Variants in BLMH observed in about 807,000 individuals in gnomAD.
The protein encoded by BLMH is BLM hydrolase.
In BLMH, 32 loss-of-function variants were observed where a neutral mutation model predicts 61.6. The observed-to-expected ratio is 0.52, with a 90% CI of 0.39 to 0.70. BLMH has a LOEUF of 0.70. Among genes scored for constraint, BLMH ranks in the 30% least tolerant of loss-of-function variants. The pLI, the probability that BLMH is intolerant of heterozygous loss-of-function variation, is 0.00. For missense variants in BLMH, 460 were observed against 555.5 expected (o/e 0.83, Z 1.73); for synonymous variants, 183 against 193.8 (o/e 0.94, Z 0.46).
At chr17:30,251,132 G>T (rs916985469) in intron 11 of BLMH, among the ~76,000 whole-genome samples, 2 of 152,104 alleles carry the variant, frequency 1.3e-5, no homozygotes, top group Non-Finnish European at 2.9e-5. Context: ...CAACATACCA[G>T]TGTACACTGC....
intron 7 of BLMH, chr17:30,273,761 G>A (rs1388316394): frequency 2.3e-6 from 1 of 437,394 alleles, no homozygotes; most frequent in African/African-American, 2.1e-5. Flanking sequence ...TTGCACTTGA[G>A]AATGATTCTG....
In BLMH at chr17:30,272,553, G is replaced by A. The variant is rs759603052; in HGVS notation, c.1028+8C>T. On this transcript the variant is annotated splice_region_variant and intron_variant, in intron 9 of 11. Transcript: ENST00000261714. The stretch of plus-strand genomic sequence containing the variant: ...AATGACTTTCCATTTTAAATTTCCT[G>A]CACTCACAGATTCATGTCACTGAGG... 1.9e-6 allele frequency: 3 copies of A among 1,613,964 alleles called. No individual in the cohort carries two copies. Among genetic ancestry groups the A allele is most frequent in the Admixed American group, 3.3e-5 (2 of 60,016 alleles).
Position 30,288,168 on chromosome 17 carries a change from A to C in BLMH, c.322-221T>G, listed in dbSNP as rs1908783923. Reference sequence around the variant, plus strand: ...CCCAGTTTGGGGACTTACGATGCTGAAACAAGCACCATAATAAGTATTTTT... The same window carrying C: ...CCCAGTTTGGGGACTTACGATGCTGCAACAAGCACCATAATAAGTATTTTT... On this transcript the variant is annotated intron_variant, in intron 3 of 11. Coordinates refer to ENST00000261714, the MANE Select transcript of BLMH (RefSeq NM_000386.4). 13 of 436,640 alleles carry C rather than the reference A, an allele frequency of 3.0e-5. No homozygotes were observed. The South Asian group carries it at 4.0e-4, about 13-fold the overall frequency. 27.0% of individuals were successfully genotyped at this position (436,640 alleles called of 1,614,324 possible). A position where few individuals can be genotyped will look rare whatever the true frequency, so the allele number is the denominator to read the frequency against.
At position 30,286,871 on chromosome 17, in the gene BLMH, G is replaced by C; in HGVS notation, c.495C>G (p.Phe165Leu). Residue 165 changes from phenylalanine to leucine, a missense_variant, in exon 5 of 12, where the codon TTC (phenylalanine) becomes TTG (leucine). Coordinates refer to ENST00000261714, the MANE Select transcript of BLMH (RefSeq NM_000386.4). ...EKYGVIPKKC[F>L]PESYTTEATR... ...TTGCCTCTGTTGTATAAGATTCAGG[G>C]AAGCATTTCTTAGGGATAACACCAT... 1 of 1,596,096 alleles carries C rather than the reference G, an allele frequency of 6.3e-7. No homozygotes were observed. Among genetic ancestry groups the C allele is most frequent in the South Asian group, 1.1e-5 (1 of 90,632 alleles).
At chr17:30,254,440 C>A (rs553506988) in intron 11 of BLMH, among the ~76,000 whole-genome samples, 29 of 152,142 alleles carry the variant, frequency 1.9e-4, no homozygotes, top group Non-Finnish European at 3.1e-4. Flanking sequence ...GCTTCCTAAT[C>A]ATCAGGGAGA....
rs372175644 is a variant in BLMH at position 30,277,177 on chromosome 17, A to C, written c.646-2980T>G. Reference sequence around the variant, plus strand: ...ATTTACTGTGTGTGTTACGAGCCTGAACATCTAGTCATTAAACCATCTCTC... The same window carrying C: ...ATTTACTGTGTGTGTTACGAGCCTGCACATCTAGTCATTAAACCATCTCTC... On this transcript the variant is annotated intron_variant, in intron 6 of 11. Transcript: ENST00000261714. 7.1e-4 allele frequency among the ~76,000 whole-genome samples: 108 copies of C among 152,356 alleles called. 1 individual carries two copies. The highest frequency in any genetic ancestry group is 2.5e-3 in the African/African-American group (106 of 41,584).
chr17:30,259,963 C>G (rs893667131), intron 11 of BLMH, among the ~76,000 whole-genome samples: 1 of 152,152 alleles, frequency 6.6e-6, no homozygotes, highest in African/African-American at 2.4e-5. Flanking sequence ...GTTAGATGCC[C>G]TCCTCTAGAA....
chr17:30,270,692 G>A (rs1597661974), intron 10 of BLMH, among the ~76,000 whole-genome samples: 2 of 152,230 alleles, frequency 1.3e-5, no homozygotes, highest in East Asian at 1.9e-4. Context: ...TGGAAGTGAG[G>A]AGTTTATTTG....
rs201906714 is a variant in BLMH, at chr17:30,273,099, G to GT, written c.802-201dup. The GT allele has an allele frequency of 1.3e-3, 721 of 563,606 alleles. 5 individuals carry two copies. Among genetic ancestry groups the GT allele is most frequent in the African/African-American group, 0.012 (646 of 53,066 alleles). 34.9% of individuals were successfully genotyped at this position (563,606 alleles called of 1,614,324 possible). ...GAGGTCCTTGCTTATTCTAATTCGC[G>GT]TAAGAGACACAATTAGGAGGTGCAT... On this transcript the variant is annotated intron_variant, in intron 7 of 11. Coordinates refer to ENST00000261714, the MANE Select transcript of BLMH (RefSeq NM_000386.4).
intron 11 of BLMH, 39 bp downstream of exon 11, chr17:30,266,846 C>T: frequency 1.9e-6 from 3 of 1,586,958 alleles, no homozygotes; most frequent in Admixed American, 1.7e-5. Flanking sequence ...GTAGAGCAGG[C>T]CCAGTCACCT....
intron 11 of BLMH, among the ~76,000 whole-genome samples, chr17:30,263,367 A>T (rs760446184): frequency 6.6e-6 from 1 of 152,194 alleles, no homozygotes; most frequent in Non-Finnish European, 1.5e-5. Flanking sequence ...ATTTTTATCA[A>T]CTTTTCAAAA....
Position 30,248,961 on chromosome 17 carries a change from T to C in BLMH, c.*56A>G. 4.4e-6 allele frequency: 7 copies of C among 1,599,866 alleles called. No homozygotes were observed. The highest frequency in any genetic ancestry group is 6.0e-6 in the Non-Finnish European group (7 of 1,172,444). On this transcript the variant is annotated 3_prime_UTR_variant, in exon 12 of 12. Coordinates refer to ENST00000261714, the MANE Select transcript of BLMH (RefSeq NM_000386.4). ...TAACTTTGGCTTCAGTCCCTGGATCTGTCCTTTGCAGCTACGTCAGGTTCC... is the reference window on the plus strand; with the variant it reads ...TAACTTTGGCTTCAGTCCCTGGATCCGTCCTTTGCAGCTACGTCAGGTTCC...
intron 11 of BLMH, among the ~76,000 whole-genome samples, chr17:30,262,082 G>A (rs1286668902): frequency 6.6e-6 from 1 of 152,192 alleles, no homozygotes. Flanking sequence ...AAAACCAGGA[G>A]AGACAAAATT....
chr17:30,259,026 G>A (rs1478665929), intron 11 of BLMH, among the ~76,000 whole-genome samples: 1 of 152,128 alleles, frequency 6.6e-6, no homozygotes, highest in Non-Finnish European at 1.5e-5. Flanking sequence ...CCTCCCTAAA[G>A]AGGGTCACCC....
At chr17:30,286,061 A>G (rs1908720121) in intron 5 of BLMH, among the ~76,000 whole-genome samples, 1 of 152,182 alleles carries the variant, frequency 6.6e-6, no homozygotes, top group East Asian at 1.9e-4. Flanking sequence ...TAGCCTTTGG[A>G]TAAGAATCCC....
intron 11 of BLMH, among the ~76,000 whole-genome samples, chr17:30,261,984 T>C (rs551322077): frequency 6.6e-6 from 1 of 152,194 alleles, no homozygotes; most frequent in African/African-American, 2.4e-5. Flanking sequence ...AGATTAAAAA[T>C]GTGGGTTAAA....
chr17:30,262,060 TG>T (rs1907973513), intron 11 of BLMH, among the ~76,000 whole-genome samples: 1 of 152,370 alleles, frequency 6.6e-6, no homozygotes, highest in South Asian at 2.1e-4. Flanking sequence ...AAACTCATCT[TG>T]GTTCAAAATG....
In BLMH at chr17:30,271,303, G is replaced by C; in HGVS notation, c.1114C>G (p.His372Asp). The C allele has an allele frequency of 6.2e-7, 1 of 1,613,906 alleles. No homozygotes were observed. The highest frequency in any genetic ancestry group is 8.5e-7 in the Non-Finnish European group (1 of 1,179,842). ...GAGACAGCAGTGAAGGTCATGGCGT[G>C]GGTCATAAGTGACTCACCAAAAGTC... ...RLTFGESLMT[H>D]AMTFTAVSEK... The change falls in exon 10 of 12, where the codon CAC (histidine) becomes GAC (aspartate). Residue 372 changes from histidine to aspartate, a missense_variant. This residue lies in a region of BLMH where 310 missense variants were observed against 371.1 expected (regional missense o/e 0.84). Transcript: ENST00000261714.
At chr17:30,250,416 C>CA (rs1027405393) in intron 11 of BLMH, 8 of 152,080 alleles carry the variant, frequency 5.3e-5, no homozygotes, top group Middle Eastern at 3.4e-3. Context: ...ATAATCCCAT[C>CA]AAAAAATGGG....
Sources: gnomAD v4.1 joint callset for allele counts (sites outside exome capture counted in the v4.1 genomes callset) on GRCh38, gnomAD v4.1.1 for gene constraint, gnomAD v4.1.1 regional missense constraint, MANE v1.5 for transcripts, NCBI Gene and HGNC (gene_info 2026-07-23, HGNC 2026-07-21) for gene names.